DSCAM: variants seen among roughly 807,000 people sequenced by gnomAD.
DSCAM encodes cell adhesion molecule DSCAM.
DSCAM carries 47 observed loss-of-function variants against 217.7 expected under a neutral mutation model. The observed-to-expected ratio is 0.22, with a 90% CI of 0.17 to 0.28. The LOEUF (loss-of-function observed/expected upper bound fraction) is 0.28, where lower values mean the gene tolerates loss of function less well. Ranked by LOEUF, DSCAM falls within the 10% of genes least tolerant of loss-of-function variation. DSCAM has a pLI of 1.00. For synonymous variants in DSCAM, 1,056 were observed against 1,015.3 expected (o/e 1.04, Z -0.76); for missense variants, 2,080 against 2,618.3 (o/e 0.79, Z 4.49).
chr21:40,276,287 A>C lies in DSCAM; in HGVS notation c.2183-17T>G. ...CCCCAGCACCTGAGACAGAAAAAGA[A>C]AGACGAGCAATGATGCAAACGAGAG... On this transcript the variant is annotated splice_polypyrimidine_tract_variant and intron_variant, in intron 10 of 32. Transcript: ENST00000400454. The C allele has an allele frequency of 6.3e-7, 1 of 1,575,480 alleles. No homozygotes were observed. Among genetic ancestry groups the C allele is most frequent in the Non-Finnish European group, 8.6e-7 (1 of 1,162,488 alleles).
rs533568839 is a variant in DSCAM at position 40,429,829 on chromosome 21, A to AT, written c.509-60585dup. 2.6e-5 allele frequency among the ~76,000 whole-genome samples: 4 copies of AT among 152,258 alleles called. No individual in the cohort carries two copies. The South Asian group carries it at 6.2e-4, about 24-fold the overall frequency. On this transcript the variant is annotated intron_variant, in intron 3 of 32. Coordinates refer to ENST00000400454, the MANE Select transcript of DSCAM (RefSeq NM_001389.5). ...TACTTATTTGATAAACACTTTCTGG[A>AT]TTTTTTCTATGCTGGGCGCTATTCC...
At position 40,680,855 on chromosome 21, in the gene DSCAM, G is replaced by A. The variant is rs182146496; in HGVS notation, c.508+11955C>T. Among the ~76,000 whole-genome samples the A allele has an allele frequency of 8.6e-4, 130 of 150,778 alleles. 1 individual carries two copies. The highest frequency in any genetic ancestry group is 1.7e-3 in the Non-Finnish European group (117 of 67,904). On this transcript the variant is annotated intron_variant, in intron 3 of 32. Coordinates refer to ENST00000400454, the MANE Select transcript of DSCAM (RefSeq NM_001389.5). ...GATTTAGCCAATAAAAATTCAGTTA[G>A]TTTGGAATTAATTTTGGAATAACTG... is the stretch of plus-strand genomic sequence containing the variant.
intron 1 of DSCAM, among the ~76,000 whole-genome samples, chr21:40,722,234 A>G (rs2090909321): frequency 6.6e-6 from 1 of 152,168 alleles, no homozygotes; most frequent in Non-Finnish European, 1.5e-5. Flanking sequence ...AGAAATGAAG[A>G]GTGACAAAAA....
chr21:40,728,112 T>G (rs980099857), intron 1 of DSCAM, among the ~76,000 whole-genome samples: 14 of 152,202 alleles, frequency 9.2e-5, no homozygotes, highest in African/African-American at 3.1e-4. Flanking sequence ...GACCCACGCC[T>G]GCACTTACTC....
At chr21:40,607,188 C>G (rs762000882) in intron 3 of DSCAM, among the ~76,000 whole-genome samples, 7 of 151,266 alleles carry the variant, frequency 4.6e-5, no homozygotes, top group Non-Finnish European at 8.8e-5. Context: ...CAACTAACTT[C>G]ACACTCTTTT....
rs191773103 is a variant in DSCAM, at chr21:40,169,904, G to T, written c.2948-2616C>A. On this transcript the variant is annotated intron_variant, in intron 15 of 32. Transcript: ENST00000400454. ...TATGGGGATCCCTATCTCTCACTCT[G>T]ATACCCCACTCCCACCCCACTTCTA... Among the ~76,000 whole-genome samples, 534 of 152,046 alleles carry T rather than the reference G, an allele frequency of 3.5e-3. 2 individuals are homozygous for T. The highest frequency in any genetic ancestry group is 6.3e-3 in the African/African-American group (260 of 41,472).
At chr21:40,093,371 C>T (rs2089635022) in intron 21 of DSCAM, among the ~76,000 whole-genome samples, 1 of 152,166 alleles carries the variant, frequency 6.6e-6, no homozygotes, top group South Asian at 2.1e-4. Context: ...AGACATTTCT[C>T]ATTAAGAAGT....
chr21:40,834,197 A>G (rs574956009), intron 1 of DSCAM, among the ~76,000 whole-genome samples: 2 of 152,016 alleles, frequency 1.3e-5, no homozygotes, highest in South Asian at 4.2e-4. Context: ...TCACGAGGTC[A>G]GGAGATCAAG....
chr21:40,499,605 A>G (rs1213525515), intron 3 of DSCAM, among the ~76,000 whole-genome samples: 1 of 152,182 alleles, frequency 6.6e-6, no homozygotes, highest in Non-Finnish European at 1.5e-5. Context: ...ATAATTAGGG[A>G]ATTTAACTTT....
chr21:40,180,567 A>T (rs1159773991), intron 14 of DSCAM, among the ~76,000 whole-genome samples: 1 of 152,144 alleles, frequency 6.6e-6, no homozygotes, highest in Non-Finnish European at 1.5e-5. Context: ...GGCTTGTCCC[A>T]CAGAGAGAAA....
intron 1 of DSCAM, among the ~76,000 whole-genome samples, chr21:40,814,273 G>C (rs1386111636): frequency 6.6e-6 from 1 of 152,156 alleles, no homozygotes; most frequent in Non-Finnish European, 1.5e-5. Context: ...CTCTGCACAG[G>C]TCCAGTTGCA....
At chr21:40,716,489 T>A (rs547392945) in intron 1 of DSCAM, among the ~76,000 whole-genome samples, 2 of 152,284 alleles carry the variant, frequency 1.3e-5, no homozygotes, top group South Asian at 4.1e-4. Context: ...TTGAAAATCC[T>A]GGGGTACCAA....
chr21:40,265,470 G>T (rs747541656), intron 11 of DSCAM, among the ~76,000 whole-genome samples: 3 of 146,206 alleles, frequency 2.1e-5, no homozygotes, highest in Non-Finnish European at 4.4e-5. Context: ...TACCAACATC[G>T]TTTTTCACAA....
chr21:40,754,144 C>A (rs1013053141), intron 1 of DSCAM, among the ~76,000 whole-genome samples: 1 of 152,170 alleles, frequency 6.6e-6, no homozygotes, highest in South Asian at 2.1e-4. Context: ...CACACCAGAC[C>A]CTCCGACACA....
rs192311115 is a variant in DSCAM at position 40,613,399 on chromosome 21, C to T, written c.508+79411G>A. Reference sequence around the variant, plus strand: ...AATGCTGTTTCACTGGTTCATTTAACAGTGATATTTTCATTTGTGTTTATC... The same window carrying T: ...AATGCTGTTTCACTGGTTCATTTAATAGTGATATTTTCATTTGTGTTTATC... On this transcript the variant is annotated intron_variant, in intron 3 of 32. Coordinates refer to ENST00000400454, the MANE Select transcript of DSCAM (RefSeq NM_001389.5). Among the ~76,000 whole-genome samples, 251 of 152,210 alleles carry T rather than the reference C, an allele frequency of 1.6e-3. 5 individuals carry two copies. The highest frequency in any genetic ancestry group is 5.9e-5 in the Non-Finnish European group (4 of 68,014).
chr21:40,258,533 T>C (rs2073405216), intron 11 of DSCAM, among the ~76,000 whole-genome samples: 1 of 152,234 alleles, frequency 6.6e-6, no homozygotes, highest in Non-Finnish European at 1.5e-5. Flanking sequence ...TAAATAGGAA[T>C]AAACAGTAAC....
At chr21:40,326,872 T>C (rs1601553793) in intron 8 of DSCAM, among the ~76,000 whole-genome samples, 1 of 151,332 alleles carries the variant, frequency 6.6e-6, no homozygotes. Context: ...CATGCATCTA[T>C]ATATCTGTAA....
chr21:40,437,852 A>T (rs903749081), intron 3 of DSCAM, among the ~76,000 whole-genome samples: 1 of 152,206 alleles, frequency 6.6e-6, no homozygotes. Context: ...CTTAGTCTCA[A>T]AAAAACAAAA....
At chr21:40,509,710 C>G (rs756912499) in intron 3 of DSCAM, among the ~76,000 whole-genome samples, 2 of 152,156 alleles carry the variant, frequency 1.3e-5, no homozygotes, top group Non-Finnish European at 2.9e-5. Context: ...AAAACAGGAA[C>G]GAGGCCCAAG....
Sources: allele counts gnomAD v4.1 joint callset (sites outside exome capture counted in the v4.1 genomes callset), GRCh38; gene constraint gnomAD v4.1.1; transcripts MANE v1.5; gene names NCBI Gene and HGNC (gene_info 2026-07-23, HGNC 2026-07-21).